The following AMBP variants were observed in gnomAD, a reference collection of about 807,000 sequenced individuals.
AMBP encodes the protein protein AMBP.
AMBP carries 37 observed loss-of-function variants against 46.3 expected under a neutral mutation model. The ratio of observed to expected loss-of-function variants is 0.80; its 90% confidence interval spans 0.61 to 1.05. The LOEUF (loss-of-function observed/expected upper bound fraction) is 1.05, where lower values mean the gene tolerates loss of function less well. Among genes scored for constraint, AMBP ranks in the 50% least tolerant of loss-of-function variants. The pLI is 0.00. For missense variants in AMBP, 475 were observed against 461.2 expected, an observed-to-expected ratio of 1.03 and a Z score of -0.27; for synonymous variants, 174 against 175.9, an observed-to-expected ratio of 0.99 and a Z score of 0.09.
intron 7 of AMBP, 74 bp from the exon 8 acceptor site, chr9:114,061,665 G>A (rs1183862099): frequency 1.3e-5 from 18 of 1,429,236 alleles, no homozygotes; most frequent in Non-Finnish European, 1.3e-5. Context: ...CACTTGATAT[G>A]CGCCATCTCA....
At position 114,061,106 on chromosome 9, in the gene AMBP, G is replaced by A; in HGVS notation, c.854-8C>T. ...TGGGGAGATTGCAGGCCGCTGTGGAGTGGAGAGAGGCATGGAACTTGAGAA... is the reference window on the plus strand; with the variant it reads ...TGGGGAGATTGCAGGCCGCTGTGGAATGGAGAGAGGCATGGAACTTGAGAA... On this transcript the variant is annotated splice_polypyrimidine_tract_variant and splice_region_variant and intron_variant, in intron 8 of 9. Transcript: ENST00000265132. 6.2e-7 allele frequency: 1 copy of A among 1,613,354 alleles called. No individual in the cohort carries two copies. The highest frequency in any genetic ancestry group is 8.5e-7 in the Non-Finnish European group (1 of 1,179,668).
At chr9:114,060,335 C>G in intron 9 of AMBP, 65 bp from the exon 10 acceptor site, 1 of 1,562,708 alleles carries the variant, frequency 6.4e-7, no homozygotes, top group Non-Finnish European at 8.8e-7. Context: ...GGGAAAGCAG[C>G]TGTCGCCTGG....
intron 8 of AMBP, 48 bp from the exon 9 acceptor site, chr9:114,061,146 T>C (rs763875472): frequency 6.3e-6 from 10 of 1,598,070 alleles, no homozygotes; most frequent in Middle Eastern, 3.3e-4. Flanking sequence ...TTGTGACTGC[T>C]GATCAGACAT....
Position 114,072,870 on chromosome 9 carries a change from C to T in AMBP, c.556+55G>A, listed in dbSNP as rs572587611. 265 of 1,538,612 alleles carry T rather than the reference C, an allele frequency of 1.7e-4. 1 individual carries two copies. The South Asian group carries it at 2.2e-3, about 13-fold the overall frequency. On this transcript the variant is annotated intron_variant, in intron 5 of 9. Coordinates refer to ENST00000265132, the MANE Select transcript of AMBP (RefSeq NM_001633.4). Reference sequence around the variant, plus strand: ...ACCCAGGGGCTGGGATGGTCTCTGGCGCCCACAAGGGACGAAGAGGGGACA... The same window carrying T: ...ACCCAGGGGCTGGGATGGTCTCTGGTGCCCACAAGGGACGAAGAGGGGACA...
intron 6 of AMBP, among the ~76,000 whole-genome samples, chr9:114,066,528 A>G (rs6478056): frequency 0.021 from 3,232 of 152,220 alleles, 105 homozygotes; most frequent in African/African-American, 0.075. Context: ...AAACAACAGA[A>G]TAAGATGAAA....
Position 114,074,108 on chromosome 9 carries a change from C to A in AMBP, c.382G>T (p.Asp128Tyr), listed in dbSNP as rs1846776563. The A allele has an allele frequency of 4.3e-6, 7 of 1,614,022 alleles. No individual in the cohort carries two copies. The South Asian group carries it at 7.7e-5, about 18-fold the overall frequency. Residue 128 changes from aspartate to tyrosine, a missense_variant, in exon 4 of 10, where the codon GAT (aspartate) becomes TAT (tyrosine). Asp to Tyr is a radical substitution (Grantham distance 160). This residue lies in a region of AMBP where 179 missense variants were observed against 167.4 expected (regional missense o/e 1.07). Transcript: ENST00000265132. ...MESYVVHTNYDEYAIFLTKKF... is the reference protein window; with the variant it reads ...MESYVVHTNYYEYAIFLTKKF... The stretch of plus-strand genomic sequence containing the variant: ...TTGGTCAGGAAAATGGCATACTCAT[C>A]ATAGTTGGTGTGGACCACATAGGAC...
chr9:114,076,457 G>T, intron 2 of AMBP, 141 bp downstream of exon 2: 1 of 1,214,546 alleles, frequency 8.2e-7, no homozygotes. Context: ...CGTCCTGGTG[G>T]AGGAGCGTAG....
chr9:114,072,852 G>A, intron 5 of AMBP, 73 bp downstream of exon 5: 1 of 1,388,156 alleles, frequency 7.2e-7, no homozygotes, highest in Non-Finnish European at 1.0e-6. Context: ...AGGACCCAGG[G>A]GCTGGGATGG....
intron 6 of AMBP, 109 bp from the exon 7 acceptor site, chr9:114,062,867 T>G: frequency 9.2e-7 from 1 of 1,083,744 alleles, no homozygotes; most frequent in Non-Finnish European, 1.4e-6. Flanking sequence ...TCAGGGTAGG[T>G]AGGAACACAG....
At chr9:114,061,752 C>CG (rs940467861) in intron 7 of AMBP, among the ~76,000 whole-genome samples, 161 bp from the exon 8 acceptor site, 6 of 152,080 alleles carry the variant, frequency 3.9e-5, no homozygotes, top group African/African-American at 1.2e-4. Context: ...GTAACTTGGC[C>CG]GGGGTCACAT....
chr9:114,062,914 G>A (rs888097375), intron 6 of AMBP, among the ~76,000 whole-genome samples, 156 bp from the exon 7 acceptor site: 24 of 152,178 alleles, frequency 1.6e-4, no homozygotes, highest in African/African-American at 1.9e-4. Context: ...TTTCCCAAAA[G>A]TGTCAACCTG....
chr9:114,076,059 G>A (rs772793391), intron 2 of AMBP, among the ~76,000 whole-genome samples: 6 of 152,120 alleles, frequency 3.9e-5, no homozygotes, highest in Non-Finnish European at 5.9e-5. Flanking sequence ...GGGAGTCATG[G>A]AAGGGTCTCG....
chr9:114,073,928 TGTCA>T, intron 4 of AMBP, 104 bp downstream of exon 4: 1 of 995,810 alleles, frequency 1.0e-6, no homozygotes. Context: ...ATTGGAGTTT[TGTCA>T]GAAGGAAAAA....
At chr9:114,073,977 A>G in intron 4 of AMBP, 59 bp downstream of exon 4, 1 of 1,532,730 alleles carries the variant, frequency 6.5e-7, no homozygotes, top group South Asian at 1.1e-5. Flanking sequence ...TCCACTGTCC[A>G]TAAATCAATG....
intron 6 of AMBP, among the ~76,000 whole-genome samples, chr9:114,064,004 T>G (rs1428103906): frequency 2.6e-5 from 4 of 152,176 alleles, no homozygotes; most frequent in Non-Finnish European, 5.9e-5. Flanking sequence ...TCTTGGACAT[T>G]CCTAGGGACA....
intron 4 of AMBP, 147 bp downstream of exon 4, chr9:114,073,889 G>C: frequency 1.3e-6 from 1 of 741,168 alleles, no homozygotes; most frequent in Non-Finnish European, 2.4e-6. Flanking sequence ...CCTCCTCCAG[G>C]GAGACTCAGT....
chr9:114,061,257 C>T (rs748315147), intron 8 of AMBP, 159 bp from the exon 9 acceptor site: 45 of 1,394,748 alleles, frequency 3.2e-5, no homozygotes, highest in East Asian at 2.3e-4. Context: ...ATGATTTGCC[C>T]GAGGTCCTCC....
chr9:114,076,582 C>T lies in AMBP; in HGVS notation c.260+16G>A. On this transcript the variant is annotated intron_variant, in intron 2 of 9. Transcript: ENST00000265132. ...CTGGGTCTCTCTCAGCTTTCCAGCC[C>T]CACCCTAGTGCTCACCGCCAACGAG... 1 of 1,611,900 alleles carries T rather than the reference C, an allele frequency of 6.2e-7. No individual in the cohort carries two copies. Among genetic ancestry groups the T allele is most frequent in the Non-Finnish European group, 8.5e-7 (1 of 1,179,442 alleles).
chr9:114,068,808 TAAA>T (rs34177397), intron 6 of AMBP, among the ~76,000 whole-genome samples: 18 of 97,092 alleles, frequency 1.9e-4, no homozygotes, highest in African/African-American at 4.1e-4. Context: ...GTGGTGAGAT[TAAA>T]AAAAAAAAAA....
Sources: gnomAD v4.1 joint callset for allele counts (sites outside exome capture counted in the v4.1 genomes callset) on GRCh38, gnomAD v4.1.1 for gene constraint, gnomAD v4.1.1 regional missense constraint, MANE v1.5 for transcripts, NCBI Gene and HGNC (gene_info 2026-07-23, HGNC 2026-07-21) for gene names.